Variants in GHRHR observed in about 807,000 individuals in gnomAD.
The protein encoded by GHRHR is growth hormone releasing hormone receptor.
GHRHR carries 40 observed loss-of-function variants against 58.3 expected under a neutral mutation model. That is an observed-to-expected ratio of 0.69 (90% CI 0.53 to 0.89). The LOEUF is 0.89. Among genes scored for constraint, GHRHR ranks in the 40% least tolerant of loss-of-function variants. The pLI, the probability that GHRHR is intolerant of heterozygous loss-of-function variation, is 0.00. For missense variants in GHRHR, 551 were observed against 541.3 expected (o/e 1.02, Z -0.18); for synonymous variants, 249 against 216.6 (o/e 1.15, Z -1.31).
At chr7:30,975,180 CTG>C (rs991978931) in intron 9 of GHRHR, 140 bp downstream of exon 9, 6 of 723,474 alleles carry the variant, frequency 8.3e-6, no homozygotes, top group African/African-American at 5.2e-5. Context: ...CACTGATTCT[CTG>C]TGAGGCCCTC....
chr7:30,971,724 C>A (rs1792484383), intron 5 of GHRHR, among the ~76,000 whole-genome samples: 1 of 152,206 alleles, frequency 6.6e-6, no homozygotes, highest in Admixed American at 6.5e-5. Context: ...AGACTGTGAG[C>A]ACCCTCGAGG....
intron 12 of GHRHR, 135 bp downstream of exon 12, chr7:30,977,457 T>G (rs1187911348): frequency 1.3e-6 from 1 of 794,518 alleles, no homozygotes; most frequent in Non-Finnish European, 2.3e-6. Context: ...TTTGTGGTAG[T>G]CTGTCCTGAG....
intron 12 of GHRHR, 42 bp from the exon 13 acceptor site, chr7:30,979,077 C>T (rs367692676): frequency 3.1e-6 from 5 of 1,604,786 alleles, no homozygotes; most frequent in African/African-American, 2.7e-5. Context: ...GTAGCAAAGC[C>T]ACAGGGGGAC....
chr7:30,968,420 A>C (rs1364327547), intron 1 of GHRHR, among the ~76,000 whole-genome samples: 2 of 152,096 alleles, frequency 1.3e-5, no homozygotes, highest in Non-Finnish European at 2.9e-5. Flanking sequence ...ACTTACTTAC[A>C]TGAGACAGAA....
intron 8 of GHRHR, 97 bp from the exon 9 acceptor site, chr7:30,974,874 G>A: frequency 1.2e-6 from 1 of 836,990 alleles, no homozygotes; most frequent in Non-Finnish European, 2.1e-6. Context: ...AGGGGAGGTG[G>A]GTGAGACCAG....
Position 30,975,038 on chromosome 7 carries a change from G to C in GHRHR, c.880G>C (p.Gly294Arg), listed in dbSNP as rs748546851. 3 of 1,607,918 alleles carry C rather than the reference G, an allele frequency of 1.9e-6. No homozygotes were observed. The highest frequency in any genetic ancestry group is 2.6e-6 in the Non-Finnish European group (3 of 1,174,344). The change falls in exon 9 of 13, where the codon GGG becomes CGG. Residue 294 changes from glycine to arginine, a missense_variant and splice_region_variant. Gly to Arg is a moderately radical substitution (Grantham distance 125, BLOSUM62 -2). Transcript: ENST00000326139. Reference sequence around the variant, plus strand: ...CAAAGGGCCCATTGTCCTCTCGGTCGGGGTCAGTCCCTGGGCCAGTGCCCT... The same window carrying C: ...CAAAGGGCCCATTGTCCTCTCGGTCCGGGTCAGTCCCTGGGCCAGTGCCCT... ...IIKGPIVLSV[G>R]VNFGLFLNII... is the part of the protein sequence containing the mutation.
rs1174759011 is a variant in GHRHR at position 30,974,044 on chromosome 7, G to T, written c.657G>T (p.Trp219Cys). The change falls in exon 7 of 13, where the codon TGG (tryptophan) becomes TGT (cysteine). Residue 219 changes from tryptophan to cysteine, a missense_variant. Trp to Cys is a radical substitution (Grantham distance 215). Transcript: ENST00000326139. ...TCGCCACCATGACCAACTTCAGCTG[G>T]CTGTTGGCAGAAGCCGTCTACCTGA... Reference protein sequence around the residue: ...SHFATMTNFSWLLAEAVYLNC... With the variant: ...SHFATMTNFSCLLAEAVYLNC... The T allele has an allele frequency of 6.2e-7, 1 of 1,613,980 alleles. No homozygotes were observed. The highest frequency in any genetic ancestry group is 8.5e-7 in the Non-Finnish European group (1 of 1,179,998).
At chr7:30,977,450 G>A (rs1437735312) in intron 12 of GHRHR, 128 bp downstream of exon 12, 1 of 808,068 alleles carries the variant, frequency 1.2e-6, no homozygotes, top group Non-Finnish European at 2.2e-6. Flanking sequence ...GTGAGCTTTT[G>A]TGGTAGTCTG....
intron 1 of GHRHR, among the ~76,000 whole-genome samples, chr7:30,965,372 C>T (rs1562591565): frequency 6.6e-6 from 1 of 151,870 alleles, no homozygotes; most frequent in East Asian, 1.9e-4. Flanking sequence ...GCCTGGGGGT[C>T]CAGGGCGATG....
chr7:30,975,849 C>A lies in GHRHR; in HGVS notation c.955C>A (p.His319Asn), dbSNP rs1225667042. ...ACTGGAGCCAGCTCAGGGCAGCCTCCATACCCAGTCTCAGTATTGGTACTG... is the reference window on the plus strand; with the variant it reads ...ACTGGAGCCAGCTCAGGGCAGCCTCAATACCCAGTCTCAGTATTGGTACTG... ...RKLEPAQGSL[H>N]TQSQYWRLSK... Residue 319 changes from histidine to asparagine, a missense_variant, in exon 10 of 13, where the codon CAT becomes AAT. Physicochemically the swap from His to Asn is moderately conservative, Grantham distance 68 (BLOSUM62 1). Coordinates refer to ENST00000326139, the MANE Select transcript of GHRHR (RefSeq NM_000823.4). The A allele has an allele frequency of 6.3e-7, 1 of 1,599,740 alleles. No individual in the cohort carries two copies. Among genetic ancestry groups the A allele is most frequent in the East Asian group, 2.2e-5 (1 of 44,832 alleles).
At chr7:30,974,268 GC>G in intron 7 of GHRHR, 130 bp downstream of exon 7, 1 of 1,202,076 alleles carries the variant, frequency 8.3e-7, no homozygotes, top group Non-Finnish European at 1.2e-6. Context: ...CAGTCCGGCA[GC>G]AAGTGTTGGA....
At chr7:30,975,588 G>A (rs555218231) in intron 9 of GHRHR, among the ~76,000 whole-genome samples, 189 bp from the exon 10 acceptor site, 22 of 152,090 alleles carry the variant, frequency 1.4e-4, no homozygotes, top group Middle Eastern at 3.2e-3. Flanking sequence ...ATGCTCAAAT[G>A]TGGGACCCCC....
At chr7:30,964,260 G>C in intron 1 of GHRHR, 135 bp downstream of exon 1, 1 of 828,700 alleles carries the variant, frequency 1.2e-6, no homozygotes, top group South Asian at 1.4e-5. Context: ...GCAGGTGGCA[G>C]GCTGTGGCTT....
intron 1 of GHRHR, among the ~76,000 whole-genome samples, chr7:30,967,703 TGCCTTCC>T (rs1792386913): frequency 1.3e-5 from 2 of 152,148 alleles, no homozygotes; most frequent in African/African-American, 4.8e-5. Context: ...CCTGCCTTCC[TGCCTTCC>T]TTCCCTCCTT....
At chr7:30,966,206 G>A (rs899614971) in intron 1 of GHRHR, among the ~76,000 whole-genome samples, 10 of 152,140 alleles carry the variant, frequency 6.6e-5, no homozygotes, top group Admixed American at 5.9e-4. Flanking sequence ...CAGAGCTCTC[G>A]GGTCTCTCCA....
chr7:30,978,079 T>C (rs1792621952), intron 12 of GHRHR, among the ~76,000 whole-genome samples: 2 of 152,340 alleles, frequency 1.3e-5, no homozygotes, highest in South Asian at 2.1e-4. Flanking sequence ...CTGCTGGCCA[T>C]GGATTTGCCA....
At chr7:30,964,576 TAGCCCTATGACTCCCTG>T (rs1010541458) in intron 1 of GHRHR, among the ~76,000 whole-genome samples, 106 of 152,314 alleles carry the variant, frequency 7.0e-4, no homozygotes, top group African/African-American at 2.5e-3. Context: ...GACCCTTCCT[TAGCCCTATGACTCCCTG>T]AGCCACTCTC....
chr7:30,969,216 C>T (rs1341644640), intron 3 of GHRHR, 46 bp downstream of exon 3: 1 of 1,255,420 alleles, frequency 8.0e-7, no homozygotes. Flanking sequence ...GTGCTTTCAT[C>T]TGGAAGTGGC....
intron 7 of GHRHR, 141 bp from the exon 8 acceptor site, chr7:30,974,288 C>T: frequency 8.8e-7 from 1 of 1,130,484 alleles, no homozygotes. Context: ...GAGGGTGGGA[C>T]CAGGGCCCTG....
Sources: allele counts gnomAD v4.1 joint callset (sites outside exome capture counted in the v4.1 genomes callset), GRCh38; gene constraint gnomAD v4.1.1; transcripts MANE v1.5; gene names NCBI Gene and HGNC (gene_info 2026-07-23, HGNC 2026-07-21).